ZNF800: variants seen among roughly 807,000 people sequenced by gnomAD.
The protein encoded by ZNF800 is zinc finger protein 800.
In ZNF800, 13 loss-of-function variants were observed where a neutral mutation model predicts 59.5. The ratio of observed to expected loss-of-function variants is 0.22; its 90% confidence interval spans 0.14 to 0.35. The LOEUF (loss-of-function observed/expected upper bound fraction) is 0.35. ZNF800 is among the 10% of genes least tolerant of loss of function. The pLI, the probability that ZNF800 is intolerant of heterozygous loss-of-function variation, is 1.00. For synonymous variants in ZNF800, 266 were observed against 265.7 expected, an observed-to-expected ratio of 1.00 and a Z score of -0.01; for missense variants, 621 against 783.7, an observed-to-expected ratio of 0.79 and a Z score of 2.48.
At chr7:127,366,519 A>G (rs1266083401), downstream of ZNF800, among the ~76,000 whole-genome samples, 1 of 152,184 alleles carries the variant, frequency 6.6e-6, no homozygotes, top group Non-Finnish European at 1.5e-5. Context: ...GGCAGTTTAG[A>G]AAAGGAAATG....
rs568268247 is a variant in ZNF800 at position 127,384,441 on chromosome 7, A to C, written c.157+1619T>G. ...AGTAGAGACGGAGTTTCACCGTGTT[A>C]GCCAGGATGGTCTCGATCTCCTGAC... On this transcript the variant is annotated intron_variant, in intron 3 of 5. Coordinates refer to ENST00000265827, the MANE Select transcript of ZNF800 (RefSeq NM_176814.5). Among the ~76,000 whole-genome samples, 31 of 151,478 alleles carry C rather than the reference A, an allele frequency of 2.0e-4. 1 individual carries two copies. The South Asian group carries it at 6.3e-3, about 31-fold the overall frequency.
At chr7:127,353,553 G>A (rs1415237000) in intron 1 of ZNF800, among the ~76,000 whole-genome samples, 3 of 152,068 alleles carry the variant, frequency 2.0e-5, no homozygotes, top group Non-Finnish European at 4.4e-5. Context: ...ATCAACAATG[G>A]TTGGAGTCTA....
chr7:127,358,432 C>G (rs532977683), intron 1 of ZNF800, among the ~76,000 whole-genome samples: 239 of 152,160 alleles, frequency 1.6e-3, no homozygotes, highest in Non-Finnish European at 2.9e-3. Context: ...TTCCCTCACA[C>G]AATCCCACAT....
At chr7:127,368,554 T>TC (rs1316837094), downstream of ZNF800, among the ~76,000 whole-genome samples, 1 of 152,138 alleles carries the variant, frequency 6.6e-6, no homozygotes, top group Non-Finnish European at 1.5e-5. Flanking sequence ...CTAGAATACT[T>TC]CAATGGGTCA....
intron 1 of ZNF800, chr7:127,363,372 T>A (rs1420592836): frequency 6.6e-6 from 1 of 151,760 alleles, no homozygotes; most frequent in African/African-American, 2.4e-5. Context: ...GAAACCTTAA[T>A]CCATATTTGA....
chr7:127,378,420 C>G (rs776807492), intron 3 of ZNF800, among the ~76,000 whole-genome samples: 12 of 151,990 alleles, frequency 7.9e-5, no homozygotes, highest in Non-Finnish European at 1.5e-4. Flanking sequence ...CAAATTAAAA[C>G]TTTTTTAAAA....
chr7:127,351,570 T>C (rs1800169398), intron 1 of ZNF800: 1 of 152,234 alleles, frequency 6.6e-6, no homozygotes, highest in Non-Finnish European at 1.5e-5. Context: ...ACAATGATTA[T>C]TTTTGCTGGG....
intron 5 of ZNF800, 67 bp downstream of exon 5, chr7:127,373,275 T>C (rs1800681559): frequency 1.3e-6 from 2 of 1,521,892 alleles, no homozygotes; most frequent in African/African-American, 1.4e-5. Flanking sequence ...CTATAAATTA[T>C]GGTCAAATGA....
downstream of ZNF800, among the ~76,000 whole-genome samples, chr7:127,345,679 G>A (rs1434334405): frequency 2.0e-5 from 3 of 152,308 alleles, no homozygotes; most frequent in African/African-American, 7.2e-5. Context: ...ACTGTGCAAG[G>A]CTATGTGAGC....
chr7:127,344,007 A>G (rs1036887407), downstream of ZNF800, among the ~76,000 whole-genome samples: 1 of 152,038 alleles, frequency 6.6e-6, no homozygotes, highest in Non-Finnish European at 1.5e-5. Flanking sequence ...TCTAAGAGCT[A>G]ACATTTAAAA....
rs1247323021 is a variant in ZNF800 at position 127,371,592 on chromosome 7, A to G, written c.*222T>C. The G allele has an allele frequency of 2.4e-5, 10 of 412,856 alleles. No homozygotes were observed. The highest frequency in any genetic ancestry group is 4.3e-5 in the Non-Finnish European group (10 of 230,286). The allele number at this position is 412,856 out of a possible 1,614,324, so 25.6% of individuals were successfully genotyped here. A position where few individuals can be genotyped will look rare whatever the true frequency, so the allele number is the denominator to read the frequency against. On this transcript the variant is annotated 3_prime_UTR_variant, in exon 6 of 6. Coordinates refer to ENST00000265827, the MANE Select transcript of ZNF800 (RefSeq NM_176814.5). The stretch of plus-strand genomic sequence containing the variant: ...TGATGGACTGTGATGACAACATGTA[A>G]TATCACAGCTACTTGAAAGTGCTGG...
chr7:127,377,777 TA>T lies in ZNF800; in HGVS notation c.158-449del, dbSNP rs1800827317. ...TGAAGCTCTTTTCTGTATTAGGAAG[TA>T]AGCAAGGAGTTTTTCAATACATTTT... On this transcript the variant is annotated intron_variant, in intron 3 of 5. Coordinates refer to ENST00000265827, the MANE Select transcript of ZNF800 (RefSeq NM_176814.5). This position sits in a 1 kb window ranked among gnomAD's most constrained non-coding sequence, Gnocchi z 4.7. 6.6e-6 allele frequency among the ~76,000 whole-genome samples: 1 copy of T among 152,068 alleles called. No individual in the cohort carries two copies. Among genetic ancestry groups the T allele is most frequent in the Non-Finnish European group, 1.5e-5 (1 of 67,938 alleles).
chr7:127,379,870 C>CACAGAGAGAG (rs1434431281), intron 3 of ZNF800, among the ~76,000 whole-genome samples: 1 of 83,886 alleles, frequency 1.2e-5, no homozygotes, highest in African/African-American at 5.9e-5. Flanking sequence ...CACACACACA[C>CACAGAGAGAG]AGAGAGAGAG....
chr7:127,384,227 CTTTTTTTT>C (rs577977623), intron 3 of ZNF800, among the ~76,000 whole-genome samples: 20 of 63,378 alleles, frequency 3.2e-4, no homozygotes, highest in South Asian at 6.5e-4. Flanking sequence ...ATTCTAACTT[CTTTTTTTT>C]TTTTTTTTTT....
rs186681887 is a variant in ZNF800, at chr7:127,371,437, C to G, written c.*377G>C. The G allele has an allele frequency of 2.3e-5, 4 of 171,566 alleles. No individual in the cohort carries two copies. The highest frequency in any genetic ancestry group is 9.5e-5 in the African/African-American group (4 of 42,240). The allele number at this position is 171,566 out of a possible 1,614,324, so 10.6% of individuals were successfully genotyped here. A position where few individuals can be genotyped will look rare whatever the true frequency, so the allele number is the denominator to read the frequency against. On this transcript the variant is annotated 3_prime_UTR_variant, in exon 6 of 6. Transcript: ENST00000265827. ...AACTAAAATCACTAAGATATAAAGTCTTTGTCAATTAAAAATTGATATTTT... is the reference window on the plus strand; with the variant it reads ...AACTAAAATCACTAAGATATAAAGTGTTTGTCAATTAAAAATTGATATTTT...
chr7:127,379,035 C>A (rs983029633), intron 3 of ZNF800, among the ~76,000 whole-genome samples: 1 of 152,080 alleles, frequency 6.6e-6, no homozygotes, highest in Non-Finnish European at 1.5e-5. Flanking sequence ...TAATTTCTAC[C>A]ATTTCCCAAA....
chr7:127,361,085 A>C (rs1405511514), intron 1 of ZNF800: 1 of 152,280 alleles, frequency 6.6e-6, no homozygotes, highest in Non-Finnish European at 1.5e-5. Context: ...GACCCAAATA[A>C]ACAGGTAGTT....
intron 1 of ZNF800, among the ~76,000 whole-genome samples, chr7:127,359,310 T>C (rs1221898904): frequency 6.6e-6 from 1 of 152,114 alleles, no homozygotes; most frequent in East Asian, 1.9e-4. Flanking sequence ...AGCCCCAGCA[T>C]CCCTTCAGCT....
intron 1 of ZNF800, among the ~76,000 whole-genome samples, chr7:127,359,191 C>T (rs1369597203): frequency 6.6e-6 from 1 of 151,808 alleles, no homozygotes; most frequent in Non-Finnish European, 1.5e-5. Context: ...GCCTGCATAC[C>T]TAGGACACCA....
Sources: gnomAD v4.1 joint callset for allele counts (sites outside exome capture counted in the v4.1 genomes callset) on GRCh38, gnomAD v4.1.1 for gene constraint, Gnocchi (gnomAD v3.1) non-coding constraint, MANE v1.5 for transcripts, NCBI Gene and HGNC (gene_info 2026-07-23, HGNC 2026-07-21) for gene names.